The following GRIK2 variants were observed in gnomAD, a reference collection of about 807,000 sequenced individuals.
GRIK2 encodes glutamate receptor ionotropic, kainate 2.
A neutral mutation model predicts 100.3 loss-of-function variants in GRIK2; 32 were observed. That is an observed-to-expected ratio of 0.32 (90% CI 0.24 to 0.43). GRIK2 has a LOEUF of 0.43. Ranked by LOEUF, GRIK2 falls within the 20% of genes least tolerant of loss-of-function variation. The pLI is 1.00. For missense variants in GRIK2, 843 were observed against 1,114.9 expected (o/e 0.76, Z 3.47); for synonymous variants, 417 against 389.4 (o/e 1.07, Z -0.83).
chr6:101,780,307 A>G (rs1048627976), intron 7 of GRIK2, among the ~76,000 whole-genome samples: 31 of 152,198 alleles, frequency 2.0e-4, no homozygotes, highest in African/African-American at 6.7e-4. Flanking sequence ...TTTCAGTGGG[A>G]ATATGGCCTA....
intron 7 of GRIK2, among the ~76,000 whole-genome samples, chr6:101,752,138 T>C (rs9377295): frequency 0.28 from 43,152 of 152,096 alleles, 8,094 homozygotes; most frequent in East Asian, 0.72. Context: ...ACACCTTATA[T>C]GTTAATTTTT....
intron 14 of GRIK2, among the ~76,000 whole-genome samples, chr6:101,999,908 A>G (rs1391486411): frequency 6.6e-6 from 1 of 152,158 alleles, no homozygotes; most frequent in Admixed American, 6.5e-5. Context: ...GATTTATCTT[A>G]TACTTTTTAG....
At chr6:101,668,867 TCTC>T (rs1036370138) in intron 4 of GRIK2, among the ~76,000 whole-genome samples, 26 of 152,260 alleles carry the variant, frequency 1.7e-4, no homozygotes, top group African/African-American at 6.3e-4. Flanking sequence ...TGCATAAATG[TCTC>T]CTCCTGGATT....
At chr6:101,446,513 C>T (rs987454874) in intron 2 of GRIK2, among the ~76,000 whole-genome samples, 1 of 151,704 alleles carries the variant, frequency 6.6e-6, no homozygotes, top group Non-Finnish European at 1.5e-5. Flanking sequence ...AAGTTTTATA[C>T]ACTAAGAACC....
At chr6:101,765,006 A>G (rs1777955024) in intron 7 of GRIK2, among the ~76,000 whole-genome samples, 2 of 152,164 alleles carry the variant, frequency 1.3e-5, no homozygotes, top group African/African-American at 2.4e-5. Context: ...TGCTTCATCT[A>G]TGAGGAACAT....
chr6:101,707,455 T>A (rs1170221199), intron 7 of GRIK2, among the ~76,000 whole-genome samples: 1 of 146,422 alleles, frequency 6.8e-6, no homozygotes, highest in Non-Finnish European at 1.5e-5. Context: ...CACAATTCTT[T>A]TATATATATT....
chr6:101,870,966 T>A (rs1351030624), intron 11 of GRIK2, among the ~76,000 whole-genome samples: 1 of 151,886 alleles, frequency 6.6e-6, no homozygotes, highest in East Asian at 1.9e-4. Context: ...TATCTTTAAA[T>A]CCTGCAAAAT....
chr6:101,732,982 A>G (rs922361279), intron 7 of GRIK2, among the ~76,000 whole-genome samples: 1 of 152,130 alleles, frequency 6.6e-6, no homozygotes, highest in Non-Finnish European at 1.5e-5. Flanking sequence ...AGGATCATAT[A>G]TAATAAATCA....
intron 12 of GRIK2, among the ~76,000 whole-genome samples, chr6:101,902,803 T>C (rs1361026019): frequency 6.6e-6 from 1 of 151,882 alleles, no homozygotes; most frequent in African/African-American, 2.4e-5. Context: ...ATTATAAACA[T>C]CAATTATTTT....
At chr6:101,498,124 T>G (rs1773547804) in intron 2 of GRIK2, among the ~76,000 whole-genome samples, 1 of 148,332 alleles carries the variant, frequency 6.7e-6, no homozygotes, top group South Asian at 2.2e-4. Context: ...GGTGTTTGGT[T>G]TTTTGTCCTT....
chr6:101,480,728 G>GA (rs551239318), intron 2 of GRIK2, among the ~76,000 whole-genome samples: 132 of 151,702 alleles, frequency 8.7e-4, no homozygotes, highest in Middle Eastern at 3.4e-3. Flanking sequence ...GCTAAAAAAA[G>GA]AAAAAAAACT....
intron 2 of GRIK2, among the ~76,000 whole-genome samples, chr6:101,440,945 G>A (rs1377384012): frequency 8.1e-5 from 12 of 149,056 alleles, no homozygotes; most frequent in Non-Finnish European, 1.5e-4. Context: ...AGTGTTAGAT[G>A]GTCTATCTTC....
At chr6:101,992,080 T>C (rs911174031) in intron 14 of GRIK2, among the ~76,000 whole-genome samples, 3 of 151,626 alleles carry the variant, frequency 2.0e-5, no homozygotes, top group African/African-American at 7.2e-5. Context: ...TTGCAATAAC[T>C]GAAGTATTTA....
At chr6:101,949,406 G>T (rs916424196) in intron 14 of GRIK2, among the ~76,000 whole-genome samples, 11 of 152,080 alleles carry the variant, frequency 7.2e-5, no homozygotes, top group Non-Finnish European at 1.6e-4. Context: ...TGGAATACAT[G>T]TGCAGAATGT....
chr6:101,546,819 C>CTTTTTTTT lies in GRIK2; in HGVS notation c.116-75109_116-75102dup, dbSNP rs1169622526. Among the ~76,000 whole-genome samples, 18 of 76,918 alleles carry CTTTTTTTT rather than the reference C, an allele frequency of 2.3e-4. 4 individuals carry two copies. Among genetic ancestry groups the CTTTTTTTT allele is most frequent in the Non-Finnish European group, 4.3e-4 (16 of 37,588 alleles). The allele number at this position is 76,918 out of a possible 152,430, so 50.5% of individuals were successfully genotyped here. A position where few individuals can be genotyped will look rare whatever the true frequency, so the allele number is the denominator to read the frequency against. ...TCCTCCAACTCTCATGTTTTTGTTT[C>CTTTTTTTT]TTTTTTTTTTTTTTTTTTTTTTTTT... On this transcript the variant is annotated intron_variant, in intron 2 of 16. Coordinates refer to ENST00000369134, the MANE Select transcript of GRIK2 (RefSeq NM_021956.5).
At chr6:101,992,111 G>A (rs907169213) in intron 14 of GRIK2, among the ~76,000 whole-genome samples, 1 of 151,470 alleles carries the variant, frequency 6.6e-6, no homozygotes, top group African/African-American at 2.4e-5. Context: ...AGGCATCCTT[G>A]TATTTAATAT....
intron 10 of GRIK2, among the ~76,000 whole-genome samples, chr6:101,831,230 A>AT (rs1206962252): frequency 5.3e-5 from 8 of 152,058 alleles, no homozygotes; most frequent in East Asian, 1.9e-4. Flanking sequence ...TCAAAATAGG[A>AT]TTTTTTTTCC....
chr6:102,027,600 A>C (rs1769770102), intron 14 of GRIK2, among the ~76,000 whole-genome samples: 1 of 151,120 alleles, frequency 6.6e-6, no homozygotes, highest in Non-Finnish European at 1.5e-5. Context: ...ATTAATGTTA[A>C]AGGTTTTAAA....
chr6:102,045,598 GA>G (rs1011130647), intron 15 of GRIK2, among the ~76,000 whole-genome samples: 7 of 151,214 alleles, frequency 4.6e-5, no homozygotes, highest in Admixed American at 6.6e-5. Flanking sequence ...ATCAAGAGAA[GA>G]AAAAAAATGT....
Sources: allele counts gnomAD v4.1 joint callset (sites outside exome capture counted in the v4.1 genomes callset), GRCh38; gene constraint gnomAD v4.1.1; transcripts MANE v1.5; gene names NCBI Gene and HGNC (gene_info 2026-07-23, HGNC 2026-07-21).